The following MTX1 variants were observed in gnomAD, a reference collection of about 807,000 sequenced individuals.
MTX1 encodes the protein metaxin-1.
MTX1 carries 20 observed loss-of-function variants against 39.4 expected under a neutral mutation model. That is an observed-to-expected ratio of 0.51 (90% CI 0.36 to 0.74). The LOEUF is 0.74. Among genes scored for constraint, MTX1 ranks in the 30% least tolerant of loss-of-function variants. MTX1 has a pLI of 0.00. For missense variants in MTX1, 481 were observed against 485.9 expected, an observed-to-expected ratio of 0.99 and a Z score of 0.10; for synonymous variants, 209 against 198.6, an observed-to-expected ratio of 1.05 and a Z score of -0.44.
chr1:155,208,927 C>A lies in MTX1; in HGVS notation c.123C>A (p.Pro41=), dbSNP rs1055156452. The A allele has an allele frequency of 6.2e-7, 1 of 1,611,016 alleles. No homozygotes were observed. Among genetic ancestry groups the A allele is most frequent in the African/African-American group, 1.3e-5 (1 of 74,926 alleles). ...AGACCTGGCCCAGGCGCACAAGACCCCGCTCTCCAGAGCCTGCCGCGCCTT... is the reference window on the plus strand; with the variant it reads ...AGACCTGGCCCAGGCGCACAAGACCACGCTCTCCAGAGCCTGCCGCGCCTT... The part of the protein sequence containing the change: ...SPQTWPRRTR[P]RSPEPAAPSG... The change falls in exon 1 of 8, where the codon CCC becomes CCA. Residue 41 remains proline, a synonymous_variant. Coordinates refer to ENST00000368376, the MANE Select transcript of MTX1 (RefSeq NM_002455.5).
Position 155,212,421 on chromosome 1 carries a change from G to A in MTX1, c.808G>A (p.Glu270Lys), listed in dbSNP as rs571812600. 1.2e-6 allele frequency: 2 copies of A among 1,614,236 alleles called. No individual in the cohort carries two copies. Among genetic ancestry groups the A allele is most frequent in the East Asian group, 2.2e-5 (1 of 44,888 alleles). ...TFWIDTKNYV[E>K]VTRKWYAEAM... Reference sequence around the variant, plus strand: ...TTGGATAGACACCAAGAACTACGTGGAAGTGACCCGGAAGTGGTATGCAGA... The same window carrying A: ...TTGGATAGACACCAAGAACTACGTGAAAGTGACCCGGAAGTGGTATGCAGA... Residue 270 changes from glutamate (E) to lysine (K), a missense_variant, in exon 5 of 8, where the codon GAA (glutamate) becomes AAA (lysine). Physicochemically the swap from Glu to Lys is moderately conservative, Grantham distance 56. Around this residue, in one of 2 missense-constraint regions of MTX1, gnomAD observed 113 missense variants for 153.2 expected, o/e 0.74. Transcript: ENST00000368376.
At position 155,212,419 on chromosome 1, in the gene MTX1, T is replaced by A. The variant is rs771274044; in HGVS notation, c.806T>A (p.Val269Glu). Residue 269 changes from valine (V) to glutamate (E), a missense_variant, in exon 5 of 8, where the codon GTG becomes GAG. Transcript: ENST00000368376. ...HTFWIDTKNY[V>E]EVTRKWYAEA... ...TTTTGGATAGACACCAAGAACTACGTGGAAGTGACCCGGAAGTGGTATGCA... is the reference window on the plus strand; with the variant it reads ...TTTTGGATAGACACCAAGAACTACGAGGAAGTGACCCGGAAGTGGTATGCA... 1.9e-6 allele frequency: 3 copies of A among 1,614,094 alleles called. No individual in the cohort carries two copies. In the South Asian group the frequency reaches 3.3e-5, roughly 18 times the overall value.
At position 155,208,780 on chromosome 1, in the gene MTX1, C is replaced by A. The variant is rs767139762; in HGVS notation, c.-25C>A. The A allele has an allele frequency of 1.3e-6, 2 of 1,489,708 alleles. No individual in the cohort carries two copies. The highest frequency in any genetic ancestry group is 1.8e-6 in the Non-Finnish European group (2 of 1,117,364). 92.3% of individuals were successfully genotyped at this position (1,489,708 alleles called of 1,614,324 possible). On this transcript the variant is annotated 5_prime_UTR_variant, in exon 1 of 8. Transcript: ENST00000368376. Reference sequence around the variant, plus strand: ...GGCGACAGGCGGCGCAGGGCCCGCTCCAAACATAACGCGCTGTGGAAAACA... The same window carrying A: ...GGCGACAGGCGGCGCAGGGCCCGCTACAAACATAACGCGCTGTGGAAAACA...
chr1:155,208,814 G>A lies in MTX1; in HGVS notation c.10G>A (p.Gly4Arg). MLL[G>R]GPPRSPRSGT... is the part of the protein sequence containing the mutation. ...ACGCGCTGTGGAAAACATGCTGCTC[G>A]GGGGACCCCCCCGCAGTCCCCGCTC... Residue 4 changes from glycine to arginine, a missense_variant, in exon 1 of 8, where the codon GGG (glycine) becomes AGG (arginine). Physicochemically the swap from Gly to Arg is moderately radical, Grantham distance 125 (BLOSUM62 -2). Coordinates refer to ENST00000368376, the MANE Select transcript of MTX1 (RefSeq NM_002455.5). 4 of 1,556,256 alleles carry A rather than the reference G, an allele frequency of 2.6e-6. No homozygotes were observed. The highest frequency in any genetic ancestry group is 3.5e-6 in the Non-Finnish European group (4 of 1,148,814).
intron 1 of MTX1, 90 bp from the exon 2 acceptor site, chr1:155,210,256 A>G: frequency 1.8e-6 from 2 of 1,132,696 alleles, no homozygotes; most frequent in Non-Finnish European, 2.7e-6. Context: ...GGAATGGCAC[A>G]TAAGGTATTC....
At chr1:155,210,472 T>TA (rs1671082590) in intron 2 of MTX1, 57 bp downstream of exon 2, 2 of 1,607,008 alleles carry the variant, frequency 1.2e-6, no homozygotes, top group African/African-American at 2.7e-5. Context: ...AAGCAAGAAA[T>TA]AGGCAGGAAT....
In MTX1 at chr1:155,208,708, CCCGGCCTCCGCT is replaced by C; in HGVS notation, c.-90_-79del. 5 of 1,283,354 alleles carry C rather than the reference CCCGGCCTCCGCT, an allele frequency of 3.9e-6. No individual in the cohort carries two copies. The highest frequency in any genetic ancestry group is 5.2e-6 in the Non-Finnish European group (5 of 968,478). The allele number at this position is 1,283,354 out of a possible 1,614,324, so 79.5% of individuals were successfully genotyped here. On this transcript the variant is annotated 5_prime_UTR_variant, in exon 1 of 8. Transcript: ENST00000368376. ...TTCCCCTCCCCCACCCAAGCCCCAG[CCCGGCCTCCGCT>C]CCGGCCGCCGCCACCGCCCCTGTTT...
At position 155,209,208 on chromosome 1, in the gene MTX1, C is replaced by G; in HGVS notation, c.404C>G (p.Ala135Gly). Residue 135 changes from alanine to glycine, a missense_variant, in exon 1 of 8, where the codon GCA becomes GGA. Ala to Gly is a moderately conservative substitution (Grantham distance 60). Transcript: ENST00000368376. ...VAGGGPRQGR[A>G]EAHKEVFPGQ... ...GGGGGCGGGCCCAGGCAGGGGAGGG[C>G]AGAAGCACACAAGGAAGTGTTTCCG... 6.8e-7 allele frequency: 1 copy of G among 1,461,494 alleles called. No individual in the cohort carries two copies. Among genetic ancestry groups the G allele is most frequent in the Non-Finnish European group, 9.1e-7 (1 of 1,104,270 alleles). 90.5% of individuals were successfully genotyped at this position (1,461,494 alleles called of 1,614,324 possible). A position where few individuals can be genotyped will look rare whatever the true frequency, so the allele number is the denominator to read the frequency against.
chr1:155,209,030 G>C lies in MTX1; in HGVS notation c.226G>C (p.Val76Leu). Residue 76 changes from valine to leucine, a missense_variant, in exon 1 of 8, where the codon GTG becomes CTG. Coordinates refer to ENST00000368376, the MANE Select transcript of MTX1 (RefSeq NM_002455.5). ...RAGPTALSRY[V>L]GHLWMGRRPP... ...CGGGCCGACAGCGCTGTCCCGCTACGTGGGCCACCTCTGGATGGGCCGGCG... is the reference window on the plus strand; with the variant it reads ...CGGGCCGACAGCGCTGTCCCGCTACCTGGGCCACCTCTGGATGGGCCGGCG... 6.4e-7 allele frequency: 1 copy of C among 1,568,190 alleles called. No individual in the cohort carries two copies.
chr1:155,212,261 GA>G (rs1557890795), intron 4 of MTX1, 42 bp downstream of exon 4: 1 of 1,595,428 alleles, frequency 6.3e-7, no homozygotes, highest in Non-Finnish European at 8.5e-7. Context: ...GCCAGCCGGG[GA>G]GGGTTCGGGA....
chr1:155,212,163 G>A lies in MTX1; in HGVS notation c.715G>A (p.Gly239Arg), dbSNP rs1448077037. 6.2e-7 allele frequency: 1 copy of A among 1,612,446 alleles called. No individual in the cohort carries two copies. Among genetic ancestry groups the A allele is most frequent in the South Asian group, 1.1e-5 (1 of 90,844 alleles). Residue 239 changes from glycine to arginine, a missense_variant, in exon 4 of 8, where the codon GGG becomes AGG. Gly to Arg is a moderately radical substitution (Grantham distance 125, BLOSUM62 -2). Transcript: ENST00000368376. Reference sequence around the variant, plus strand: ...TGATTATGATCTGTCAGCTCGGCAAGGGGCAGACACCCTGGCCTTCATGTC... The same window carrying A: ...TGATTATGATCTGTCAGCTCGGCAAAGGGCAGACACCCTGGCCTTCATGTC... Reference protein sequence around the residue: ...NADYDLSARQGADTLAFMSLL... With the variant: ...NADYDLSARQRADTLAFMSLL...
At chr1:155,212,900 G>C in intron 6 of MTX1, 130 bp downstream of exon 6, 1 of 1,333,252 alleles carries the variant, frequency 7.5e-7, no homozygotes. Flanking sequence ...ATAGAAACTG[G>C]CCCTAGTGAC....
chr1:155,212,910 C>A, intron 6 of MTX1, 140 bp downstream of exon 6: 1 of 1,401,324 alleles, frequency 7.1e-7, no homozygotes, highest in South Asian at 1.4e-5. Flanking sequence ...GCCCTAGTGA[C>A]AGTGTGACTG....
intron 2 of MTX1, 33 bp from the exon 3 acceptor site, chr1:155,210,515 G>A (rs1446543662): frequency 3.7e-6 from 6 of 1,610,964 alleles, no homozygotes; most frequent in Non-Finnish European, 5.1e-6. Flanking sequence ...GGCAGCTAAG[G>A]GTCTGGTTGG....
chr1:155,212,488 T>G lies in MTX1; in HGVS notation c.875T>G (p.Met292Arg). 1.2e-6 allele frequency: 2 copies of G among 1,613,964 alleles called. No individual in the cohort carries two copies. The highest frequency in any genetic ancestry group is 1.7e-6 in the Non-Finnish European group (2 of 1,179,878). Residue 292 changes from methionine (M) to arginine (R), a missense_variant, in exon 5 of 8, where the codon ATG (methionine) becomes AGG (arginine). Met to Arg is a moderately conservative substitution (Grantham distance 91, BLOSUM62 -1). This residue lies in a region of MTX1 where 113 missense variants were observed against 153.2 expected (regional missense o/e 0.74). Coordinates refer to ENST00000368376, the MANE Select transcript of MTX1 (RefSeq NM_002455.5). ...CTCAACTTCTTCCTGCCTGGCCGCA[T>G]GCAGCGGCAGTACATGGAACGGCTA... ...FPLNFFLPGR[M>R]QRQYMERLQL...
At position 155,209,128 on chromosome 1, in the gene MTX1, C is replaced by T; in HGVS notation, c.324C>T (p.Ala108=). The change falls in exon 1 of 8, where the codon GCC becomes GCT. Residue 108 remains alanine (A), a synonymous_variant. Coordinates refer to ENST00000368376, the MANE Select transcript of MTX1 (RefSeq NM_002455.5). ...SAASRARRSL[A]SPGISPGPLT... Reference sequence around the variant, plus strand: ...CCAGTCGGGCCAGAAGAAGCCTCGCCTCCCCGGGGATCTCCCCAGGCCCCC... The same window carrying T: ...CCAGTCGGGCCAGAAGAAGCCTCGCTTCCCCGGGGATCTCCCCAGGCCCCC... 3 of 1,541,794 alleles carry T rather than the reference C, an allele frequency of 1.9e-6. No individual in the cohort carries two copies. The highest frequency in any genetic ancestry group is 2.6e-6 in the Non-Finnish European group (3 of 1,142,718).
At position 155,208,897 on chromosome 1, in the gene MTX1, C is replaced by G; in HGVS notation, c.93C>G (p.Ser31Arg). ...CAGGCCACGTGCAGTTTGGCAAGAG[C>G]CCCCAGACCTGGCCCAGGCGCACAA... is the stretch of plus-strand genomic sequence containing the variant. ...SSTGHVQFGKSPQTWPRRTRP... is the reference protein window; with the variant it reads ...SSTGHVQFGKRPQTWPRRTRP... The change falls in exon 1 of 8, where the codon AGC (serine) becomes AGG (arginine). Residue 31 changes from serine (S) to arginine (R), a missense_variant. Physicochemically the swap from Ser to Arg is moderately radical, Grantham distance 110. This residue lies in a region of MTX1 where 368 missense variants were observed against 332.8 expected (regional missense o/e 1.11). Transcript: ENST00000368376. 6.2e-7 allele frequency: 1 copy of G among 1,611,584 alleles called. No individual in the cohort carries two copies. The highest frequency in any genetic ancestry group is 8.5e-7 in the Non-Finnish European group (1 of 1,179,626).
chr1:155,212,680 T>C lies in MTX1; in HGVS notation c.955-14T>C, dbSNP rs755532010. 3.7e-6 allele frequency: 6 copies of C among 1,612,052 alleles called. No homozygotes were observed. In the East Asian group the frequency reaches 1.1e-4, roughly 30 times the overall value. ...GTTCCCACAGCTGCAAGCCTACCTG[T>C]GTCGCCCCTACAGCTGTACCGAGAG... On this transcript the variant is annotated splice_polypyrimidine_tract_variant and intron_variant, in intron 5 of 7. Transcript: ENST00000368376.
Position 155,209,284 on chromosome 1 carries a change from AGGGGGCT to A in MTX1, c.489_495del (p.Trp163CysfsTer12). On this transcript the variant is annotated frameshift_variant, in exon 1 of 8. Coordinates refer to ENST00000368376, the MANE Select transcript of MTX1 (RefSeq NM_002455.5). LOFTEE classifies it high-confidence loss of function. ...CGCCCATGGAGCTGTTCTGCTGGTC[AGGGGGCT>A]GGGGGCTGCCGTCAGTGGACCTGGA... 2.1e-6 allele frequency: 3 copies of A among 1,444,754 alleles called. No individual in the cohort carries two copies. The highest frequency in any genetic ancestry group is 2.5e-5 in the East Asian group (1 of 39,862). 89.5% of individuals were successfully genotyped at this position (1,444,754 alleles called of 1,614,324 possible).
Sources: allele counts gnomAD v4.1 joint callset, GRCh38; gene constraint gnomAD v4.1.1; regional missense constraint gnomAD v4.1.1; transcripts MANE v1.5; gene names NCBI Gene and HGNC (gene_info 2026-07-23, HGNC 2026-07-21).